SDK1: variants seen among roughly 807,000 people sequenced by gnomAD.
SDK1 encodes sidekick cell adhesion molecule 1.
In SDK1, 157 loss-of-function variants were observed where a neutral mutation model predicts 245.5. The observed-to-expected ratio is 0.64, with a 90% CI of 0.56 to 0.73. The LOEUF is 0.73. SDK1 is among the 30% of genes least tolerant of loss of function. The pLI is 0.00. For missense variants in SDK1, 3,583 were observed against 3,002.3 expected (o/e 1.19, Z -4.52); for synonymous variants, 1,647 against 1,278.5 (o/e 1.29, Z -6.15).
At chr7:3,752,740 G>A (rs1025728035) in intron 4 of SDK1, among the ~76,000 whole-genome samples, 2 of 152,090 alleles carry the variant, frequency 1.3e-5, no homozygotes, top group African/African-American at 4.8e-5. Context: ...TGTGCATCAT[G>A]AGACTCATCT....
chr7:3,404,273 G>A (rs999537102), intron 1 of SDK1, among the ~76,000 whole-genome samples: 2 of 152,072 alleles, frequency 1.3e-5, no homozygotes, highest in Non-Finnish European at 2.9e-5. Flanking sequence ...GTAAGACAAG[G>A]TGTGCCTATA....
chr7:3,397,988 G>A lies in SDK1; in HGVS notation c.298+96104G>A, dbSNP rs145663358. The stretch of plus-strand genomic sequence containing the variant: ...TTCAGCATGCCTTGTAATTTTTTGT[G>A]GAAAGCCAGGCATGATGTACTGAGT... On this transcript the variant is annotated intron_variant, in intron 1 of 44. Transcript: ENST00000404826. Among the ~76,000 whole-genome samples the A allele has an allele frequency of 2.2e-4, 34 of 152,134 alleles. No individual in the cohort carries two copies. In the East Asian group the frequency reaches 5.4e-3, roughly 24 times the overall value.
chr7:3,513,474 G>A (rs762256805), intron 1 of SDK1, among the ~76,000 whole-genome samples: 3 of 152,096 alleles, frequency 2.0e-5, no homozygotes, highest in Non-Finnish European at 4.4e-5. Context: ...TTAAATTTCA[G>A]TGCAATAGAA....
intron 5 of SDK1, among the ~76,000 whole-genome samples, chr7:3,943,996 C>A (rs1235723502): frequency 2.6e-5 from 4 of 152,212 alleles, no homozygotes; most frequent in African/African-American, 9.7e-5. Context: ...GTCTTCACCT[C>A]CAGCCACCTA....
At chr7:3,915,461 C>T (rs10241150) in intron 5 of SDK1, among the ~76,000 whole-genome samples, 3 of 152,180 alleles carry the variant, frequency 2.0e-5, no homozygotes, top group African/African-American at 7.2e-5. Context: ...GTGAACAAGT[C>T]TCATGAGATC....
intron 5 of SDK1, among the ~76,000 whole-genome samples, chr7:3,888,848 A>G (rs779413119): frequency 6.6e-6 from 1 of 152,188 alleles, no homozygotes; most frequent in East Asian, 1.9e-4. Context: ...CGTATTCTAT[A>G]TGTTATGCTA....
At chr7:3,765,568 C>G (rs1212500253) in intron 4 of SDK1, among the ~76,000 whole-genome samples, 1 of 152,134 alleles carries the variant, frequency 6.6e-6, no homozygotes, top group Non-Finnish European at 1.5e-5. Context: ...CTCTTTTGTT[C>G]TCCTGTATTT....
chr7:4,214,896 C>T (rs752675576), intron 38 of SDK1, among the ~76,000 whole-genome samples: 8 of 152,356 alleles, frequency 5.3e-5, no homozygotes, highest in African/African-American at 9.6e-5. Context: ...ATCCGTGGTC[C>T]GGCTCCAGCC....
chr7:4,156,383 A>G (rs1482013714), intron 30 of SDK1, among the ~76,000 whole-genome samples: 1 of 152,214 alleles, frequency 6.6e-6, no homozygotes, highest in Non-Finnish European at 1.5e-5. Flanking sequence ...AGCAAAGGTC[A>G]TTTTTATGGT....
chr7:3,660,890 T>A (rs1783332018), intron 4 of SDK1, among the ~76,000 whole-genome samples: 1 of 152,238 alleles, frequency 6.6e-6, no homozygotes. Flanking sequence ...GGTAAATTAT[T>A]ATATCTGAGA....
At position 3,732,098 on chromosome 7, in the gene SDK1, A is replaced by G. The variant is rs184954019; in HGVS notation, c.714-89352A>G. ...AGCCACCACACCCAGCAGTAATTTT[A>G]TTTTTAAGATGGAAGGGTGAATGAA... On this transcript the variant is annotated intron_variant, in intron 4 of 44. Transcript: ENST00000404826. Among the ~76,000 whole-genome samples, 8 of 152,288 alleles carry G rather than the reference A, an allele frequency of 5.3e-5. No individual in the cohort carries two copies. The East Asian group carries it at 1.5e-3, about 29-fold the overall frequency.
At chr7:3,962,895 A>C in intron 9 of SDK1, 44 bp downstream of exon 9, 3 of 1,446,618 alleles carry the variant, frequency 2.1e-6, no homozygotes, top group Non-Finnish European at 2.8e-6. Flanking sequence ...GGACGTATCC[A>C]GTGAGTACAC....
At chr7:4,140,235 GC>G (rs1481443760) in intron 28 of SDK1, among the ~76,000 whole-genome samples, 1 of 152,138 alleles carries the variant, frequency 6.6e-6, no homozygotes, top group African/African-American at 2.4e-5. Context: ...TTTGCCTCTG[GC>G]CCCCGCTGCA....
intron 44 of SDK1, among the ~76,000 whole-genome samples, chr7:4,259,154 A>AGGC (rs1787811302): frequency 6.6e-6 from 1 of 152,144 alleles, no homozygotes; most frequent in Non-Finnish European, 1.5e-5. Flanking sequence ...TAAATCTTAA[A>AGGC]CAGGCCAGGT....
chr7:3,984,924 G>T (rs1317045028), intron 13 of SDK1, among the ~76,000 whole-genome samples: 1 of 152,162 alleles, frequency 6.6e-6, no homozygotes, highest in Non-Finnish European at 1.5e-5. Context: ...AACCCTGTCT[G>T]GCCTCTCTGC....
intron 34 of SDK1, among the ~76,000 whole-genome samples, chr7:4,178,240 G>A (rs933262054): frequency 6.6e-6 from 1 of 152,154 alleles, no homozygotes. Flanking sequence ...GCTCCGTGCT[G>A]CCTCTTACCT....
intron 25 of SDK1, among the ~76,000 whole-genome samples, chr7:4,121,151 T>A (rs1784038694): frequency 6.6e-6 from 1 of 152,206 alleles, no homozygotes; most frequent in Non-Finnish European, 1.5e-5. Flanking sequence ...CTGAGGAGAC[T>A]TTCTCTAGCG....
chr7:4,056,598 T>C (rs1439951167), intron 19 of SDK1, among the ~76,000 whole-genome samples: 1 of 151,998 alleles, frequency 6.6e-6, no homozygotes, highest in African/African-American at 2.4e-5. Context: ...GTGGTCCACA[T>C]TCCCACCACA....
intron 17 of SDK1, 121 bp from the exon 18 acceptor site, chr7:4,049,227 C>T (rs952947528): frequency 3.4e-5 from 23 of 673,674 alleles, no homozygotes; most frequent in South Asian, 2.6e-4. Flanking sequence ...CACACTTCCT[C>T]GGTCTCAGTG....
Sources: gnomAD v4.1 joint callset for allele counts (sites outside exome capture counted in the v4.1 genomes callset) on GRCh38, gnomAD v4.1.1 for gene constraint, MANE v1.5 for transcripts, NCBI Gene and HGNC (gene_info 2026-07-23, HGNC 2026-07-21) for gene names.